The following TET1 variants were observed in gnomAD, a reference collection of about 807,000 sequenced individuals.
TET1 encodes methylcytosine dioxygenase TET1.
A neutral mutation model predicts 148.7 loss-of-function variants in TET1; 13 were observed. The observed-to-expected ratio is 0.09, with a 90% CI of 0.06 to 0.14. The LOEUF is 0.14. Ranked by LOEUF, TET1 falls within the 10% of genes least tolerant of loss-of-function variation. The probability of loss-of-function intolerance (pLI) is 1.00; values close to 1 mark genes in which losing one functional copy is unlikely to be tolerated. For synonymous variants in TET1, 907 were observed against 937.2 expected (o/e 0.97, Z 0.59); for missense variants, 2,182 against 2,553.8 (o/e 0.85, Z 3.14).
intron 3 of TET1, among the ~76,000 whole-genome samples, chr10:68,607,277 C>T (rs975714062): frequency 5.3e-5 from 8 of 152,036 alleles, no homozygotes; most frequent in African/African-American, 9.6e-5. Flanking sequence ...TTGATAGTGC[C>T]GGATTCATAC....
At chr10:68,649,601 G>A (rs555214491) in intron 4 of TET1, among the ~76,000 whole-genome samples, 1 of 121,010 alleles carries the variant, frequency 8.3e-6, no homozygotes, top group African/African-American at 3.8e-5. Context: ...GCGAGACTCT[G>A]TCTCAAAAAA....
At chr10:68,684,054 A>T (rs950002838) in intron 10 of TET1, among the ~76,000 whole-genome samples, 2 of 152,052 alleles carry the variant, frequency 1.3e-5, no homozygotes, top group Non-Finnish European at 2.9e-5. Flanking sequence ...CTGCTGCACC[A>T]GTTTTTTAGG....
intron 6 of TET1, among the ~76,000 whole-genome samples, chr10:68,654,894 A>T (rs761772589): frequency 6.6e-6 from 1 of 152,210 alleles, no homozygotes; most frequent in Non-Finnish European, 1.5e-5. Context: ...CCCACTTCCA[A>T]GCTCCCTTAC....
In TET1 at chr10:68,691,947, A is replaced by G. The variant is rs2055600832; in HGVS notation, c.*133A>G. 1.8e-6 allele frequency: 2 copies of G among 1,107,620 alleles called. No individual in the cohort carries two copies. Among genetic ancestry groups the G allele is most frequent in the Non-Finnish European group, 2.5e-6 (2 of 789,204 alleles). 68.6% of individuals were successfully genotyped at this position (1,107,620 alleles called of 1,614,324 possible). On this transcript the variant is annotated 3_prime_UTR_variant, in exon 12 of 12. Transcript: ENST00000373644. This position sits in a 1 kb window ranked among gnomAD's most constrained non-coding sequence, Gnocchi z 4.4. ...AGTCTGAGGTAAAAAAATAATAATGATAACAAAACGGGGTGGGTATTCTTA... is the reference window on the plus strand; with the variant it reads ...AGTCTGAGGTAAAAAAATAATAATGGTAACAAAACGGGGTGGGTATTCTTA...
intron 3 of TET1, among the ~76,000 whole-genome samples, chr10:68,624,658 T>TTCTCTC (rs201414722): frequency 3.1e-5 from 3 of 95,278 alleles, no homozygotes; most frequent in Non-Finnish European, 6.8e-5. Flanking sequence ...CTTTCTTTCT[T>TTCTCTC]TCTCTCTCTC....
Position 68,693,527 on chromosome 10 carries a change from A to G in TET1, c.*1713A>G. 1 of 233,222 alleles carries G rather than the reference A, an allele frequency of 4.3e-6. No individual in the cohort carries two copies. Among genetic ancestry groups the G allele is most frequent in the Non-Finnish European group, 8.5e-6 (1 of 117,834 alleles). The allele number at this position is 233,222 out of a possible 1,614,324, so 14.4% of individuals were successfully genotyped here. A position where few individuals can be genotyped will look rare whatever the true frequency, so the allele number is the denominator to read the frequency against. On this transcript the variant is annotated 3_prime_UTR_variant, in exon 12 of 12. Coordinates refer to ENST00000373644, the MANE Select transcript of TET1 (RefSeq NM_030625.3). ...GCTTTTGACTAATCCAAGTAAAGGA[A>G]TATGAAGGGATTGTAAAAAACAAAA...
chr10:68,670,135 C>T (rs1210197888), intron 7 of TET1, among the ~76,000 whole-genome samples: 1 of 152,040 alleles, frequency 6.6e-6, no homozygotes, highest in East Asian at 1.9e-4. Context: ...GAGGATTGTT[C>T]TCTTGTATAT....
chr10:68,676,264 ATATAT>A (rs2055357317), intron 8 of TET1, among the ~76,000 whole-genome samples: 1 of 15,416 alleles, frequency 6.5e-5, no homozygotes, highest in African/African-American at 2.2e-4. Context: ...ATATATATAT[ATATAT>A]TTTTTTTTTT....
chr10:68,622,480 G>C (rs1271544262), intron 3 of TET1, among the ~76,000 whole-genome samples: 1 of 151,934 alleles, frequency 6.6e-6, no homozygotes, highest in African/African-American at 2.4e-5. Flanking sequence ...TCGCCAGGCT[G>C]GTCTGGAACT....
chr10:68,677,402 A>G (rs1303752112), intron 8 of TET1, among the ~76,000 whole-genome samples: 2 of 152,250 alleles, frequency 1.3e-5, no homozygotes, highest in African/African-American at 4.8e-5. Flanking sequence ...TAAAGAAACA[A>G]CAACAACAAC....
intron 1 of TET1, among the ~76,000 whole-genome samples, chr10:68,568,478 T>A (rs1365180925): frequency 1.3e-5 from 2 of 151,986 alleles, no homozygotes; most frequent in African/African-American, 2.4e-5. Context: ...CCACCTCAGG[T>A]GATCTGTGCA....
intron 6 of TET1, among the ~76,000 whole-genome samples, chr10:68,656,881 C>G (rs1193675446): frequency 6.6e-6 from 1 of 151,800 alleles, no homozygotes; most frequent in Non-Finnish European, 1.5e-5. Flanking sequence ...AAAAAATTAG[C>G]CAGACATGGT....
intron 1 of TET1, among the ~76,000 whole-genome samples, chr10:68,571,553 AC>A (rs1408404950): frequency 6.6e-6 from 1 of 150,532 alleles, no homozygotes; most frequent in African/African-American, 2.5e-5. Flanking sequence ...GGCGTGAGCC[AC>A]TGCGCCTGGC....
intron 1 of TET1, among the ~76,000 whole-genome samples, chr10:68,570,396 C>T (rs756561638): frequency 1.5e-4 from 23 of 152,132 alleles, no homozygotes; most frequent in South Asian, 2.1e-4. Flanking sequence ...TGAGCCACCG[C>T]GCCCAGCCAG....
At chr10:68,571,332 C>T (rs1212952454) in intron 1 of TET1, among the ~76,000 whole-genome samples, 1 of 151,016 alleles carries the variant, frequency 6.6e-6, no homozygotes, top group Non-Finnish European at 1.5e-5. Context: ...GAGATGGAGT[C>T]TCACTCTGTC....
In TET1 at chr10:68,645,656, C is replaced by T. The variant is rs2054831841; in HGVS notation, c.2927C>T (p.Thr976Ile). ...GTGGTTTTCAATGGGCAAACTACTACCCTTTCCAACTCACATATCAACTCA... is the reference window on the plus strand; with the variant it reads ...GTGGTTTTCAATGGGCAAACTACTATCCTTTCCAACTCACATATCAACTCA... Reference protein sequence around the residue: ...NTVVFNGQTTTLSNSHINSAT... With the variant: ...NTVVFNGQTTILSNSHINSAT... Residue 976 changes from threonine (T) to isoleucine (I), a missense_variant, in exon 4 of 12, where the codon ACC becomes ATC. Thr to Ile is a moderately conservative substitution (Grantham distance 89). Coordinates refer to ENST00000373644, the MANE Select transcript of TET1 (RefSeq NM_030625.3). 1 of 1,614,072 alleles carries T rather than the reference C, an allele frequency of 6.2e-7. No individual in the cohort carries two copies. The highest frequency in any genetic ancestry group is 1.3e-5 in the African/African-American group (1 of 74,928).
intron 6 of TET1, among the ~76,000 whole-genome samples, chr10:68,655,546 T>C (rs1001142483): frequency 4.6e-5 from 7 of 152,304 alleles, no homozygotes; most frequent in African/African-American, 1.4e-4. Flanking sequence ...AAGAGAGAAA[T>C]GTAACTAGGC....
intron 7 of TET1, among the ~76,000 whole-genome samples, chr10:68,669,560 T>A (rs369808154): frequency 1.3e-5 from 2 of 149,606 alleles, no homozygotes; most frequent in African/African-American, 4.9e-5. Flanking sequence ...TTCACCATGT[T>A]AGCCAGGATG....
Position 68,690,973 on chromosome 10 carries a change from C to T in TET1, c.5570C>T (p.Ala1857Val). 6.2e-7 allele frequency: 1 copy of T among 1,614,220 alleles called. No homozygotes were observed. Among genetic ancestry groups the T allele is most frequent in the Non-Finnish European group, 8.5e-7 (1 of 1,180,032 alleles). ...GFSWSPKTAS[A>V]TPAPLKNDAT... ...TCCTGGTCCCCGAAGACTGCTTCAG[C>T]CACACCAGCTCCACTGAAGAATGAC... The change falls in exon 12 of 12, where the codon GCC becomes GTC. Residue 1857 changes from alanine to valine, a missense_variant. Physicochemically the swap from Ala to Val is moderately conservative, Grantham distance 64. Transcript: ENST00000373644.
Sources: allele counts gnomAD v4.1 joint callset (sites outside exome capture counted in the v4.1 genomes callset), GRCh38; gene constraint gnomAD v4.1.1; non-coding constraint Gnocchi (gnomAD v3.1); transcripts MANE v1.5; gene names NCBI Gene and HGNC (gene_info 2026-07-23, HGNC 2026-07-21).